SMC6: variants seen among roughly 807,000 people sequenced by gnomAD.
The protein encoded by SMC6 is structural maintenance of chromosomes protein 6.
Under a neutral mutation model 142.2 loss-of-function variants are expected in SMC6, and 79 were observed. That is an observed-to-expected ratio of 0.56 (90% CI 0.46 to 0.67). SMC6 has a LOEUF of 0.67. SMC6 is among the 30% of genes least tolerant of loss of function. SMC6 has a pLI of 0.00. For missense variants in SMC6, 1,072 were observed against 1,284.0 expected (o/e 0.83, Z 2.52); for synonymous variants, 411 against 412.4 (o/e 1.00, Z 0.04).
At chr2:17,706,870 T>A (rs1668537039) in intron 18 of SMC6, among the ~76,000 whole-genome samples, 1 of 152,164 alleles carries the variant, frequency 6.6e-6, no homozygotes, top group South Asian at 2.1e-4. Context: ...GTCTGCTGTA[T>A]CCTCTCTGAG....
chr2:17,745,677 T>G (rs1004815943), intron 3 of SMC6, 150 bp downstream of exon 3: 1 of 703,814 alleles, frequency 1.4e-6, no homozygotes, highest in African/African-American at 1.9e-5. Context: ...ATAATTAACA[T>G]AAGCTTCAAA....
chr2:17,718,379 A>G (rs2125005336), intron 11 of SMC6, among the ~76,000 whole-genome samples, 156 bp from the exon 12 acceptor site: 1 of 152,370 alleles, frequency 6.6e-6, no homozygotes, highest in Non-Finnish European at 1.5e-5. Context: ...ATACTATAAT[A>G]TAATTTGATC....
chr2:17,752,364 A>G (rs1671086069), intron 2 of SMC6, among the ~76,000 whole-genome samples: 1 of 152,250 alleles, frequency 6.6e-6, no homozygotes. Flanking sequence ...AGAACAAAAA[A>G]AAGTCTGTGC....
At chr2:17,737,527 C>T (rs763546246) in intron 5 of SMC6, among the ~76,000 whole-genome samples, 18 of 152,270 alleles carry the variant, frequency 1.2e-4, no homozygotes, top group Non-Finnish European at 2.5e-4. Flanking sequence ...GAAGACAGAA[C>T]AGCTAGTGGA....
At chr2:17,750,594 G>C (rs550729150) in intron 2 of SMC6, among the ~76,000 whole-genome samples, 1 of 152,164 alleles carries the variant, frequency 6.6e-6, no homozygotes, top group Non-Finnish European at 1.5e-5. Context: ...CCTCTTTAAC[G>C]CCCAGGTTCC....
intron 23 of SMC6, among the ~76,000 whole-genome samples, chr2:17,687,027 A>G (rs996120901): frequency 2.0e-5 from 3 of 152,188 alleles, no homozygotes; most frequent in African/African-American, 7.2e-5. Flanking sequence ...CTATATGCCA[A>G]TATTCCAAAA....
chr2:17,692,100 G>T (rs1213509150), intron 23 of SMC6, among the ~76,000 whole-genome samples: 1 of 152,184 alleles, frequency 6.6e-6, no homozygotes, highest in South Asian at 2.1e-4. Flanking sequence ...TGGGTAGGAA[G>T]AATCAATATC....
At chr2:17,678,652 T>A (rs1667106087) in intron 25 of SMC6, among the ~76,000 whole-genome samples, 1 of 150,742 alleles carries the variant, frequency 6.6e-6, no homozygotes, top group African/African-American at 2.4e-5. Context: ...GGCATGCACC[T>A]ATACTCCTAG....
intron 8 of SMC6, among the ~76,000 whole-genome samples, chr2:17,726,143 C>G (rs1427824876): frequency 1.5e-5 from 2 of 132,706 alleles, no homozygotes; most frequent in Non-Finnish European, 3.2e-5. Context: ...TATGTAGGAG[C>G]AACTGTTACC....
chr2:17,705,992 A>G (rs1668489375), intron 18 of SMC6, among the ~76,000 whole-genome samples: 3 of 152,118 alleles, frequency 2.0e-5, no homozygotes, highest in Admixed American at 2.0e-4. Flanking sequence ...CACCTAACCT[A>G]GTATTCATTT....
intron 2 of SMC6, 73 bp downstream of exon 2, chr2:17,752,905 T>C (rs952269378): frequency 1.7e-5 from 7 of 407,410 alleles, no homozygotes; most frequent in Non-Finnish European, 2.3e-5. Flanking sequence ...TGCAGAGTAA[T>C]AAGCGCTCAC....
At chr2:17,687,156 C>A (rs1469748747) in intron 23 of SMC6, among the ~76,000 whole-genome samples, 1 of 152,112 alleles carries the variant, frequency 6.6e-6, no homozygotes, top group African/African-American at 2.4e-5. Context: ...TCTAACAAAA[C>A]CACTTACACA....
At chr2:17,720,915 A>G in intron 11 of SMC6, 25 bp downstream of exon 11, 1 of 1,577,444 alleles carries the variant, frequency 6.3e-7, no homozygotes, top group Non-Finnish European at 8.7e-7. Context: ...AACCTATTAA[A>G]TCTGCATTTA....
intron 11 of SMC6, 55 bp downstream of exon 11, chr2:17,720,885 T>C: frequency 1.4e-6 from 2 of 1,417,082 alleles, no homozygotes; most frequent in Admixed American, 1.7e-5. Flanking sequence ...TAGTCTAATA[T>C]CTGTAATTTC....
chr2:17,704,797 C>T (rs1668425008), intron 18 of SMC6, among the ~76,000 whole-genome samples: 2 of 151,922 alleles, frequency 1.3e-5, no homozygotes, highest in African/African-American at 2.4e-5. Context: ...TAAATGTTAG[C>T]TGAATAAATG....
At chr2:17,752,705 T>C (rs769594312) in intron 2 of SMC6, among the ~76,000 whole-genome samples, 1 of 152,234 alleles carries the variant, frequency 6.6e-6, no homozygotes, top group Non-Finnish European at 1.5e-5. Flanking sequence ...AGTTCTAATA[T>C]GTTCCCTCTC....
At chr2:17,714,083 G>GTT (rs895056935) in intron 16 of SMC6, among the ~76,000 whole-genome samples, 1 of 118,202 alleles carries the variant, frequency 8.5e-6, no homozygotes, top group South Asian at 2.3e-4. Flanking sequence ...TTCATTTTTT[G>GTT]TTTTTTTTGT....
chr2:17,744,484 G>A (rs1217123971), intron 3 of SMC6, among the ~76,000 whole-genome samples: 1 of 152,074 alleles, frequency 6.6e-6, no homozygotes, highest in Non-Finnish European at 1.5e-5. Context: ...GATTTTTTAT[G>A]TAGATAATGA....
At chr2:17,706,867 G>A (rs1316743696) in intron 18 of SMC6, among the ~76,000 whole-genome samples, 4 of 152,136 alleles carry the variant, frequency 2.6e-5, no homozygotes, top group Admixed American at 2.6e-4. Flanking sequence ...CCAGTCTGCT[G>A]TATCCTCTCT....
Sources: allele counts gnomAD v4.1 joint callset (sites outside exome capture counted in the v4.1 genomes callset), GRCh38; gene constraint gnomAD v4.1.1; transcripts MANE v1.5; gene names NCBI Gene and HGNC (gene_info 2026-07-23, HGNC 2026-07-21).